Variants in PCDHA4 observed in about 807,000 individuals in gnomAD.
The protein encoded by PCDHA4 is protocadherin alpha-4.
A neutral mutation model predicts 61.4 loss-of-function variants in PCDHA4; 49 were observed. The observed-to-expected ratio is 0.80, with a 90% CI of 0.63 to 1.01. The LOEUF is 1.01. PCDHA4 is among the 50% of genes least tolerant of loss of function. The probability of loss-of-function intolerance (pLI) is 0.00; values close to 1 mark genes in which losing one functional copy is unlikely to be tolerated. For synonymous variants in PCDHA4, 590 were observed against 550.3 expected (o/e 1.07, Z -1.01); for missense variants, 1,254 against 1,235.8 (o/e 1.01, Z -0.22).
chr5:140,885,945 TA>T (rs2060787135), intron 1 of PCDHA4, among the ~76,000 whole-genome samples: 1 of 152,206 alleles, frequency 6.6e-6, no homozygotes, highest in Non-Finnish European at 1.5e-5. Flanking sequence ...TTGACATTTT[TA>T]ATTAAAATTT....
intron 1 of PCDHA4, chr5:140,842,864 G>C (rs1554139478): frequency 1.3e-6 from 2 of 1,593,918 alleles, no homozygotes; most frequent in Non-Finnish European, 1.7e-6. Context: ...CACGGAGAGC[G>C]GCAAGGTGTA....
chr5:140,954,390 C>A (rs2095030202), intron 1 of PCDHA4, among the ~76,000 whole-genome samples: 1 of 152,204 alleles, frequency 6.6e-6, no homozygotes, highest in South Asian at 2.1e-4. Context: ...AACTAATTTA[C>A]AACCCCACCA....
chr5:140,991,642 A>T (rs2097463636), intron 3 of PCDHA4, among the ~76,000 whole-genome samples: 2 of 152,160 alleles, frequency 1.3e-5, no homozygotes, highest in South Asian at 4.1e-4. Flanking sequence ...CAATCTGTTC[A>T]TGACAATTTA....
chr5:140,825,137 A>G (rs1027495465), intron 1 of PCDHA4: 8 of 151,772 alleles, frequency 5.3e-5, no homozygotes, highest in Non-Finnish European at 1.0e-4. Flanking sequence ...TAAAAAACAT[A>G]TGAGTATTGA....
chr5:140,876,699 G>T (rs782209543), intron 1 of PCDHA4: 1 of 1,614,228 alleles, frequency 6.2e-7, no homozygotes. Context: ...CGTTGGTGCT[G>T]GACAGCGCCC....
chr5:140,858,616 T>G (rs1562539811), intron 1 of PCDHA4: 1 of 1,182,404 alleles, frequency 8.5e-7, no homozygotes, highest in Non-Finnish European at 1.2e-6. Context: ...TTTTTTATCC[T>G]ACCCAGTGTG....
chr5:140,870,355 T>C, intron 1 of PCDHA4: 7 of 1,614,110 alleles, frequency 4.3e-6, no homozygotes, highest in Non-Finnish European at 5.9e-6. Context: ...CGAGAACGTG[T>C]GGGCCTATGA....
chr5:140,883,483 C>A, intron 1 of PCDHA4: 1 of 1,614,196 alleles, frequency 6.2e-7, no homozygotes, highest in African/African-American at 1.3e-5. Flanking sequence ...AGAACTACTA[C>A]TCATTAGTGC....
intron 1 of PCDHA4, among the ~76,000 whole-genome samples, chr5:140,904,645 T>A (rs1554191647): frequency 6.6e-6 from 1 of 152,128 alleles, no homozygotes; most frequent in Non-Finnish European, 1.5e-5. Context: ...CTCCACACTG[T>A]TTTCCATAGT....
At chr5:140,955,654 A>G (rs2095214723) in intron 1 of PCDHA4, among the ~76,000 whole-genome samples, 1 of 152,208 alleles carries the variant, frequency 6.6e-6, no homozygotes, top group South Asian at 2.1e-4. Flanking sequence ...TAATACACAT[A>G]TGAATTTTAA....
intron 1 of PCDHA4, among the ~76,000 whole-genome samples, chr5:140,844,742 T>C (rs1779524927): frequency 1.3e-5 from 2 of 149,642 alleles, no homozygotes; most frequent in Admixed American, 6.7e-5. Context: ...TTTAGTATTA[T>C]GGGATAAATC....
rs2098423382 is a variant in PCDHA4, at chr5:141,012,241, T to C, written c.*2304T>C. On this transcript the variant is annotated 3_prime_UTR_variant, in exon 4 of 4. Coordinates refer to ENST00000530339, the MANE Select transcript of PCDHA4 (RefSeq NM_018907.4). ...GTGCTTTCCAATCCATGTTAGTTAC[T>C]AGTTATTACAGCTGTAAGGATAAAA... 6.5e-6 allele frequency: 1 copy of C among 153,802 alleles called. No homozygotes were observed. The highest frequency in any genetic ancestry group is 6.5e-5 in the Admixed American group (1 of 15,284). The allele number at this position is 153,802 out of a possible 1,614,324, so 9.5% of individuals were successfully genotyped here.
intron 1 of PCDHA4, among the ~76,000 whole-genome samples, chr5:140,974,165 G>T (rs1298109600): frequency 6.6e-6 from 1 of 152,164 alleles, no homozygotes; most frequent in Non-Finnish European, 1.5e-5. Flanking sequence ...TTTCTTTCAA[G>T]AATTTTAACT....
chr5:140,896,465 C>T (rs967658819), intron 1 of PCDHA4, among the ~76,000 whole-genome samples: 8 of 151,988 alleles, frequency 5.3e-5, no homozygotes, highest in South Asian at 4.1e-4. Context: ...TGGGTTCAAG[C>T]GGTTCTCCTG....
chr5:140,850,512 G>A lies in PCDHA4; in HGVS notation c.2385+40940G>A, dbSNP rs17844334. 2.6e-5 allele frequency: 41 copies of A among 1,598,146 alleles called. 4 individuals carry two copies. The highest frequency in any genetic ancestry group is 5.1e-5 in the Admixed American group (3 of 59,282). On this transcript the variant is annotated intron_variant, in intron 1 of 3. Coordinates refer to ENST00000530339, the MANE Select transcript of PCDHA4 (RefSeq NM_018907.4). Reference sequence around the variant, plus strand: ...TGTGCTGGTGTCGCTGGTGGAGAGCGGCCAGGCGCCAAAGTCATCGTCGCG... The same window carrying A: ...TGTGCTGGTGTCGCTGGTGGAGAGCAGCCAGGCGCCAAAGTCATCGTCGCG...
At chr5:140,865,398 G>T (rs1554159421) in intron 1 of PCDHA4, 1 of 152,138 alleles carries the variant, frequency 6.6e-6, no homozygotes, top group African/African-American at 2.4e-5. Flanking sequence ...TAATATAAAT[G>T]CTGAAAAGGA....
intron 1 of PCDHA4, chr5:140,851,974 C>T: frequency 3.1e-6 from 3 of 976,536 alleles, no homozygotes; most frequent in Non-Finnish European, 3.7e-6. Flanking sequence ...CACACTCTAC[C>T]TTTAGTGCAA....
intron 1 of PCDHA4, among the ~76,000 whole-genome samples, chr5:140,938,308 T>C (rs1468853140): frequency 6.6e-6 from 1 of 152,212 alleles, no homozygotes; most frequent in Admixed American, 6.5e-5. Context: ...AAATTCAGTA[T>C]AAAATTGAAT....
intron 1 of PCDHA4, among the ~76,000 whole-genome samples, chr5:140,941,150 G>A (rs894422349): frequency 1.1e-4 from 17 of 151,436 alleles, no homozygotes; most frequent in Non-Finnish European, 1.8e-4. Context: ...TAGTTTGGAG[G>A]CCCCATAAGA....
Sources: allele counts gnomAD v4.1 joint callset (sites outside exome capture counted in the v4.1 genomes callset), GRCh38; gene constraint gnomAD v4.1.1; transcripts MANE v1.5; gene names NCBI Gene and HGNC (gene_info 2026-07-23, HGNC 2026-07-21).